WIPF3: variants seen among roughly 807,000 people sequenced by gnomAD.
The protein encoded by WIPF3 is WAS/WASL-interacting protein family member 3.
A neutral mutation model predicts 38.9 loss-of-function variants in WIPF3; 33 were observed. The observed-to-expected ratio is 0.85, with a 90% confidence interval of 0.64 to 1.14. The LOEUF (loss-of-function observed/expected upper bound fraction) is 1.14. Among genes scored for constraint, WIPF3 ranks in the 50% most tolerant of loss-of-function variants. The pLI is 0.00. For missense variants in WIPF3, 711 were observed against 652.5 expected, an observed-to-expected ratio of 1.09 and a Z score of -0.98; for synonymous variants, 324 against 269.3, an observed-to-expected ratio of 1.20 and a Z score of -1.99.
intron 2 of WIPF3, among the ~76,000 whole-genome samples, chr7:29,862,279 G>T (rs758521182): frequency 1.3e-5 from 2 of 152,180 alleles, no homozygotes; most frequent in African/African-American, 2.4e-5. Context: ...TCAAGATGAG[G>T]CTGGGGGAGA....
intron 7 of WIPF3, among the ~76,000 whole-genome samples, chr7:29,899,936 T>G (rs1404007076): frequency 6.6e-6 from 1 of 152,158 alleles, no homozygotes; most frequent in East Asian, 1.9e-4. Context: ...TTCATTTATT[T>G]AGAGATTAGG....
chr7:29,892,549 T>G (rs557902903), intron 7 of WIPF3, among the ~76,000 whole-genome samples: 38 of 152,358 alleles, frequency 2.5e-4, no homozygotes, highest in African/African-American at 8.9e-4. Flanking sequence ...TTCTAGGTGC[T>G]TTGCATACCT....
chr7:29,902,265 CTTCTTCTTCTT>C (rs1475853124), intron 7 of WIPF3, among the ~76,000 whole-genome samples: 6 of 116,392 alleles, frequency 5.2e-5, no homozygotes, highest in African/African-American at 1.2e-4. Context: ...TTTTCTTCTT[CTTCTTCTTCTT>C]TTTTTTTTTT....
chr7:29,879,114 G>C lies in WIPF3; in HGVS notation c.329G>C (p.Arg110Pro), dbSNP rs751389171. Residue 110 changes from arginine (R) to proline (P), a missense_variant, in exon 4 of 9, where the codon CGA (arginine) becomes CCA (proline). Physicochemically the swap from Arg to Pro is moderately radical, Grantham distance 103. Transcript: ENST00000242140. ...TTTGCTGGTGGCTTTCCTGTATTGCGACCAGCAGGCCAGCGGGATGTAGCA... is the reference window on the plus strand; with the variant it reads ...TTTGCTGGTGGCTTTCCTGTATTGCCACCAGCAGGCCAGCGGGATGTAGCA... ...DLFAGGFPVL[R>P]PAGQRDVAGG... 3 of 1,612,350 alleles carry C rather than the reference G, an allele frequency of 1.9e-6. No homozygotes were observed. The highest frequency in any genetic ancestry group is 2.5e-6 in the Non-Finnish European group (3 of 1,179,248).
In WIPF3 at chr7:29,875,812, C is replaced by T; in HGVS notation, c.91-18C>T. On this transcript the variant is annotated intron_variant, in intron 2 of 8. Coordinates refer to ENST00000242140, the MANE Select transcript of WIPF3 (RefSeq NM_001080529.3). ...CTGAAAATGCTACTATAGTCAAATC[C>T]CTTTTACTCCCTTACAGGTAAGCAC... 6.2e-7 allele frequency: 1 copy of T among 1,607,820 alleles called. No homozygotes were observed. The highest frequency in any genetic ancestry group is 1.1e-5 in the South Asian group (1 of 90,908).
chr7:29,892,560 TATC>T (rs1421765694), intron 7 of WIPF3, among the ~76,000 whole-genome samples: 1 of 152,228 alleles, frequency 6.6e-6, no homozygotes, highest in African/African-American at 2.4e-5. Context: ...TTGCATACCT[TATC>T]ATTTGTCCTT....
At chr7:29,866,082 C>T (rs1785381944) in intron 2 of WIPF3, among the ~76,000 whole-genome samples, 1 of 152,188 alleles carries the variant, frequency 6.6e-6, no homozygotes, top group African/African-American at 2.4e-5. Flanking sequence ...TCGCTTGAAC[C>T]TGCGAGGTGG....
chr7:29,816,656 C>T (rs1784463091), intron 1 of WIPF3, among the ~76,000 whole-genome samples: 1 of 152,090 alleles, frequency 6.6e-6, no homozygotes, highest in African/African-American at 2.4e-5. Flanking sequence ...TTTTCTGCTG[C>T]CTGCTTTTTT....
At chr7:29,901,087 A>T (rs1786265731) in intron 7 of WIPF3, among the ~76,000 whole-genome samples, 1 of 152,132 alleles carries the variant, frequency 6.6e-6, no homozygotes, top group Non-Finnish European at 1.5e-5. Context: ...AGCAGTGTCC[A>T]CTCAGCCTGC....
At chr7:29,873,260 G>C (rs1262734253) in intron 2 of WIPF3, among the ~76,000 whole-genome samples, 1 of 152,164 alleles carries the variant, frequency 6.6e-6, no homozygotes, top group Non-Finnish European at 1.5e-5. Flanking sequence ...TTAAAGAAAA[G>C]AATGCACCAT....
chr7:29,825,466 A>T (rs571695660), intron 1 of WIPF3, among the ~76,000 whole-genome samples: 6 of 152,354 alleles, frequency 3.9e-5, no homozygotes, highest in Middle Eastern at 3.4e-3. Context: ...TTACTCGTGA[A>T]TGTGTGATTA....
intron 7 of WIPF3, among the ~76,000 whole-genome samples, chr7:29,890,676 C>T (rs997587805): frequency 1.8e-4 from 27 of 152,188 alleles, no homozygotes; most frequent in Admixed American, 3.9e-4. Context: ...GCAGGCCTGC[C>T]GTGTGCTCAG....
intron 2 of WIPF3, among the ~76,000 whole-genome samples, chr7:29,839,737 T>G (rs917019484): frequency 6.6e-6 from 1 of 152,176 alleles, no homozygotes; most frequent in African/African-American, 2.4e-5. Context: ...AAGTAATATT[T>G]TGTGACACAT....
chr7:29,903,139 TAA>T (rs931417447), intron 7 of WIPF3, among the ~76,000 whole-genome samples: 5 of 151,490 alleles, frequency 3.3e-5, no homozygotes, highest in African/African-American at 1.2e-4. Flanking sequence ...CAAAAAATTT[TAA>T]AAGTTAGCTG....
At chr7:29,861,306 A>G (rs1174137640) in intron 2 of WIPF3, among the ~76,000 whole-genome samples, 1 of 152,198 alleles carries the variant, frequency 6.6e-6, no homozygotes, top group Non-Finnish European at 1.5e-5. Context: ...CTTGCAAATC[A>G]TGATATGGAA....
At position 29,911,543 on chromosome 7, in the gene WIPF3, G is replaced by T. The variant is rs185708203; in HGVS notation, c.1429-2950G>T. Among the ~76,000 whole-genome samples the T allele has an allele frequency of 2.3e-3, 349 of 152,124 alleles. 9 individuals carry two copies. The highest frequency in any genetic ancestry group is 5.0e-4 in the Non-Finnish European group (34 of 67,970). ...TTTCAAAACTATAATAATCAAAACA[G>T]TGTGGTACTGGTATAAAGACAGACA... On this transcript the variant is annotated intron_variant, in intron 8 of 8. Transcript: ENST00000242140.
chr7:29,863,986 T>A (rs1785344930), intron 2 of WIPF3, among the ~76,000 whole-genome samples: 1 of 152,216 alleles, frequency 6.6e-6, no homozygotes, highest in Admixed American at 6.5e-5. Context: ...GAGGTACAAT[T>A]TTTATTTCCT....
intron 2 of WIPF3, among the ~76,000 whole-genome samples, chr7:29,860,696 A>G (rs1785260172): frequency 6.6e-6 from 1 of 152,210 alleles, no homozygotes. Context: ...CCATAGTTCA[A>G]ATGGTATGGG....
At chr7:29,829,078 C>T (rs1784674703) in intron 1 of WIPF3, among the ~76,000 whole-genome samples, 1 of 152,154 alleles carries the variant, frequency 6.6e-6, no homozygotes, top group African/African-American at 2.4e-5. Context: ...CTTTAGTCAC[C>T]TCTCTGCCTG....
Sources: gnomAD v4.1 joint callset for allele counts (sites outside exome capture counted in the v4.1 genomes callset) on GRCh38, gnomAD v4.1.1 for gene constraint, MANE v1.5 for transcripts, NCBI Gene and HGNC (gene_info 2026-07-23, HGNC 2026-07-21) for gene names.